Variants in PAX5 observed in about 807,000 individuals in gnomAD.
PAX5 encodes the protein paired box protein Pax-5.
In PAX5, 9 loss-of-function variants were observed where a neutral mutation model predicts 43.7. The ratio of observed to expected loss-of-function variants is 0.21; its 90% confidence interval spans 0.12 to 0.36. PAX5 has a LOEUF of 0.36. Ranked by LOEUF, PAX5 falls within the 10% of genes least tolerant of loss-of-function variation. The pLI, the probability that PAX5 is intolerant of heterozygous loss-of-function variation, is 1.00. For synonymous variants in PAX5, 228 were observed against 214.3 expected (o/e 1.06, Z -0.56); for missense variants, 383 against 532.7 (o/e 0.72, Z 2.77).
intron 5 of PAX5, among the ~76,000 whole-genome samples, chr9:36,995,279 G>T (rs1837297156): frequency 6.6e-6 from 1 of 152,250 alleles, no homozygotes; most frequent in Non-Finnish European, 1.5e-5. Context: ...GGAGTGGGCT[G>T]GTTCCAGAAA....
chr9:36,989,074 C>T (rs1836710930), intron 5 of PAX5, among the ~76,000 whole-genome samples: 1 of 152,206 alleles, frequency 6.6e-6, no homozygotes, highest in African/African-American at 2.4e-5. Context: ...AGGTGACCAA[C>T]TTGCAGGTGT....
At chr9:36,973,325 G>T (rs1288768375) in intron 5 of PAX5, among the ~76,000 whole-genome samples, 4 of 152,266 alleles carry the variant, frequency 2.6e-5, no homozygotes, top group Middle Eastern at 3.4e-3. Context: ...CTGCCTGCAT[G>T]CCTAGACTTG....
At chr9:36,939,685 C>T (rs751190520) in intron 6 of PAX5, among the ~76,000 whole-genome samples, 2 of 152,140 alleles carry the variant, frequency 1.3e-5, no homozygotes, top group Admixed American at 6.5e-5. Context: ...GATGGATTAT[C>T]CTCATTTTTC....
At position 36,834,280 on chromosome 9, in the gene PAX5, T is replaced by C. The variant is rs2812326; in HGVS notation, c.*6280A>G. ...GCCAGGGGATGGGCCTGCCTCTTCC[T>C]GAGCCCCGGGACAGGCTGCTGCCGG... On this transcript the variant is annotated 3_prime_UTR_variant, in exon 10 of 10. Coordinates refer to ENST00000358127, the MANE Select transcript of PAX5 (RefSeq NM_016734.3). 0.089 allele frequency: 20,671 copies of C among 233,258 alleles called. 1,371 individuals are homozygous for C. The highest frequency in any genetic ancestry group is 0.2 in the African/African-American group (8,975 of 45,426). 14.4% of individuals were successfully genotyped at this position (233,258 alleles called of 1,614,324 possible). A position where few individuals can be genotyped will look rare whatever the true frequency, so the allele number is the denominator to read the frequency against.
intron 6 of PAX5, among the ~76,000 whole-genome samples, chr9:36,935,001 A>T (rs1831425142): frequency 6.6e-6 from 1 of 152,180 alleles, no homozygotes; most frequent in Non-Finnish European, 1.5e-5. Context: ...AGGTGCTTTT[A>T]TTCATCAGAG....
intron 7 of PAX5, among the ~76,000 whole-genome samples, chr9:36,903,451 T>A (rs1828564719): frequency 6.6e-6 from 1 of 152,244 alleles, no homozygotes; most frequent in Admixed American, 6.5e-5. Context: ...AAAGCTTTGG[T>A]CTAGGTGGGG....
chr9:36,930,974 C>T (rs527237127), intron 6 of PAX5: 2 of 625,824 alleles, frequency 3.2e-6, no homozygotes, highest in Admixed American at 2.3e-5. Flanking sequence ...AAAAGAAACA[C>T]AGACACGTGA....
intron 6 of PAX5, among the ~76,000 whole-genome samples, chr9:36,959,314 C>T (rs1833760582): frequency 6.6e-6 from 1 of 152,240 alleles, no homozygotes; most frequent in Non-Finnish European, 1.5e-5. Flanking sequence ...ATTCTACTTG[C>T]ATGCCTCCAG....
intron 1 of PAX5, among the ~76,000 whole-genome samples, chr9:37,031,197 C>T (rs1840945771): frequency 1.3e-5 from 2 of 152,140 alleles, no homozygotes; most frequent in Admixed American, 6.5e-5. Flanking sequence ...TCACCTTAGT[C>T]GGGGTGTGTT....
At chr9:36,892,211 G>A (rs1827459447) in intron 7 of PAX5, among the ~76,000 whole-genome samples, 1 of 152,240 alleles carries the variant, frequency 6.6e-6, no homozygotes, top group African/African-American at 2.4e-5. Flanking sequence ...GAGACAGGAG[G>A]AAGGCAGTAT....
At chr9:36,893,158 A>AG (rs1175647952) in intron 7 of PAX5, among the ~76,000 whole-genome samples, 1 of 152,244 alleles carries the variant, frequency 6.6e-6, no homozygotes, top group Non-Finnish European at 1.5e-5. Context: ...TCCGTGCCCA[A>AG]GGGGCTCACT....
intron 5 of PAX5, among the ~76,000 whole-genome samples, chr9:36,970,298 G>C (rs943298979): frequency 2.0e-5 from 3 of 152,172 alleles, no homozygotes; most frequent in African/African-American, 7.2e-5. Context: ...ATGGGGCAGA[G>C]AGGGTGCCAG....
intron 8 of PAX5, among the ~76,000 whole-genome samples, chr9:36,880,626 G>C (rs892895961): frequency 6.6e-6 from 1 of 152,220 alleles, no homozygotes; most frequent in Non-Finnish European, 1.5e-5. Flanking sequence ...GCAGTGGCAC[G>C]ATCTTGGCTC....
intron 8 of PAX5, among the ~76,000 whole-genome samples, chr9:36,862,050 C>A (rs578166639): frequency 1.1e-4 from 17 of 152,254 alleles, no homozygotes; most frequent in African/African-American, 3.4e-4. Flanking sequence ...TGGCCAAAGC[C>A]AAGGGCACTC....
intron 5 of PAX5, among the ~76,000 whole-genome samples, chr9:36,976,310 C>T (rs1835420485): frequency 6.6e-6 from 1 of 152,188 alleles, no homozygotes; most frequent in African/African-American, 2.4e-5. Flanking sequence ...TACAGAGCTT[C>T]TATTCTCTGC....
chr9:36,931,816 A>G (rs893967364), intron 6 of PAX5, among the ~76,000 whole-genome samples: 2 of 149,416 alleles, frequency 1.3e-5, no homozygotes, highest in African/African-American at 2.5e-5. Flanking sequence ...GAGCCACTGC[A>G]TTCCAGCCTG....
intron 3 of PAX5, among the ~76,000 whole-genome samples, chr9:37,009,724 A>G (rs1838766566): frequency 6.6e-6 from 1 of 152,186 alleles, no homozygotes; most frequent in South Asian, 2.1e-4. Flanking sequence ...GTTTGAGGGG[A>G]TGCATACCCC....
chr9:36,980,474 T>C (rs970380391), intron 5 of PAX5, among the ~76,000 whole-genome samples: 48 of 152,026 alleles, frequency 3.2e-4, no homozygotes, highest in African/African-American at 1.0e-3. Flanking sequence ...CTGCACCGCA[T>C]TGCACTGCCT....
chr9:36,923,208 C>CTG (rs1206680622), intron 7 of PAX5, 147 bp downstream of exon 7: 19 of 911,530 alleles, frequency 2.1e-5, no homozygotes, highest in Non-Finnish European at 2.8e-5. Flanking sequence ...CTGGCCCCAG[C>CTG]ACCTGACCTG....
Sources: gnomAD v4.1 joint callset for allele counts (sites outside exome capture counted in the v4.1 genomes callset) on GRCh38, gnomAD v4.1.1 for gene constraint, MANE v1.5 for transcripts, NCBI Gene and HGNC (gene_info 2026-07-23, HGNC 2026-07-21) for gene names.